STK3: variants seen among roughly 807,000 people sequenced by gnomAD.
STK3 encodes serine/threonine-protein kinase 3.
STK3 carries 41 observed loss-of-function variants against 58.0 expected under a neutral mutation model. The observed-to-expected ratio is 0.71, with a 90% CI of 0.55 to 0.92. The LOEUF is 0.92. Ranked by LOEUF, STK3 falls within the 40% of genes least tolerant of loss-of-function variation. The pLI, the probability that STK3 is intolerant of heterozygous loss-of-function variation, is 0.00. For missense variants in STK3, 479 were observed against 602.7 expected, an observed-to-expected ratio of 0.79 and a Z score of 2.15; for synonymous variants, 170 against 191.0, an observed-to-expected ratio of 0.89 and a Z score of 0.91.
At chr8:98,822,053 T>TACAC (rs773942816) in intron 1 of STK3, among the ~76,000 whole-genome samples, 1 of 150,212 alleles carries the variant, frequency 6.7e-6, no homozygotes, top group Non-Finnish European at 1.5e-5. Context: ...CACACATACA[T>TACAC]ACACACACAC....
At chr8:98,904,268 A>C (rs2131961872) in intron 1 of STK3, among the ~76,000 whole-genome samples, 1 of 152,260 alleles carries the variant, frequency 6.6e-6, no homozygotes, top group African/African-American at 2.4e-5. Flanking sequence ...AGGCAGGGAG[A>C]AGTATTCAAC....
the STK3 span, among the ~76,000 whole-genome samples, chr8:98,360,761 CAAAGT>C: frequency 6.6e-6 from 1 of 152,058 alleles, no homozygotes; most frequent in African/African-American, 2.4e-5. Context: ...AACTAAATGT[CAAAGT>C]AAAGTAGTCA....
At chr8:98,654,916 A>C (rs186742858) in intron 6 of STK3, among the ~76,000 whole-genome samples, 2,664 of 152,176 alleles carry the variant, frequency 0.018, 73 homozygotes, top group African/African-American at 0.061. Context: ...TGCCCAAGGT[A>C]GTTTATAGAT....
intron 1 of STK3, 146 bp from the exon 2 acceptor site, chr8:98,774,965 T>C: frequency 2.0e-6 from 1 of 511,746 alleles, no homozygotes; most frequent in Non-Finnish European, 3.3e-6. Flanking sequence ...ATAGTAAACA[T>C]TCTCCTTTCA....
intron 4 of STK3, among the ~76,000 whole-genome samples, chr8:98,723,448 G>A (rs1363297869): frequency 1.3e-5 from 2 of 152,012 alleles, no homozygotes; most frequent in Non-Finnish European, 2.9e-5. Context: ...CTGTGTATAT[G>A]GTTTTGATAA....
chr8:98,920,008 T>C (rs960313521), intron 1 of STK3, among the ~76,000 whole-genome samples: 3 of 152,206 alleles, frequency 2.0e-5, no homozygotes, highest in Non-Finnish European at 4.4e-5. Context: ...TCCATTTCAT[T>C]TTCTAACTGC....
At chr8:98,606,036 T>G (rs906840099) in intron 6 of STK3, 1 of 152,240 alleles carries the variant, frequency 6.6e-6, no homozygotes, top group Admixed American at 6.5e-5. Context: ...GAGACCAGCT[T>G]GGCCAACATG....
intron 1 of STK3, among the ~76,000 whole-genome samples, chr8:98,776,787 C>A (rs936689653): frequency 4.0e-5 from 6 of 151,392 alleles, no homozygotes; most frequent in Admixed American, 2.0e-4. Flanking sequence ...AGCGGTGGCT[C>A]ACGCCTGTAA....
At chr8:98,406,105 G>A (rs565360337) in intron 3 of STK3, among the ~76,000 whole-genome samples, 124 of 152,238 alleles carry the variant, frequency 8.1e-4, no homozygotes, top group Middle Eastern at 3.4e-3. Flanking sequence ...AAAGTAGACT[G>A]GGTGCTATGG....
chr8:98,355,119 C>G, the STK3 span, among the ~76,000 whole-genome samples: 1 of 152,182 alleles, frequency 6.6e-6, no homozygotes, highest in Non-Finnish European at 1.5e-5. Flanking sequence ...TCCAGACTCT[C>G]AATGCCCTAG....
intron 6 of STK3, among the ~76,000 whole-genome samples, chr8:98,633,022 T>C (rs1227453628): frequency 6.6e-6 from 1 of 152,078 alleles, no homozygotes; most frequent in Non-Finnish European, 1.5e-5. Flanking sequence ...AGACACAAAA[T>C]AAAAATTACA....
intron 1 of STK3, among the ~76,000 whole-genome samples, chr8:98,379,919 G>A (rs1374723480): frequency 6.6e-6 from 1 of 152,130 alleles, no homozygotes; most frequent in Admixed American, 6.5e-5. Flanking sequence ...ACAGAGGAAT[G>A]GATGAAGAAA....
At chr8:98,549,823 A>G (rs1482901661) in intron 8 of STK3, among the ~76,000 whole-genome samples, 1 of 152,174 alleles carries the variant, frequency 6.6e-6, no homozygotes, top group Admixed American at 6.5e-5. Context: ...AGCCTAGGCA[A>G]TGCAGCAAGA....
chr8:98,880,276 T>C (rs1446819383), downstream of STK3: 4 of 152,012 alleles, frequency 2.6e-5, no homozygotes, highest in African/African-American at 9.7e-5. Context: ...ATAAAATACA[T>C]ATAAAATAAA....
At chr8:98,872,267 GC>G (rs1564074689) in intron 3 of STK3, among the ~76,000 whole-genome samples, 1 of 152,120 alleles carries the variant, frequency 6.6e-6, no homozygotes, top group African/African-American at 2.4e-5. Context: ...GAGGATTTTT[GC>G]ATTGATGTTC....
chr8:98,513,689 G>C (rs560812016), intron 10 of STK3, among the ~76,000 whole-genome samples: 1 of 152,212 alleles, frequency 6.6e-6, no homozygotes, highest in Non-Finnish European at 1.5e-5. Flanking sequence ...GTGGGGCGGG[G>C]GAGAAGTGGA....
At chr8:98,697,527 G>A (rs974286762) in intron 6 of STK3, among the ~76,000 whole-genome samples, 12 of 152,140 alleles carry the variant, frequency 7.9e-5, no homozygotes, top group African/African-American at 2.4e-4. Flanking sequence ...ACACTGCTTT[G>A]AATGTGTCCC....
At chr8:98,911,108 G>C (rs962452957) in intron 1 of STK3, among the ~76,000 whole-genome samples, 3 of 152,216 alleles carry the variant, frequency 2.0e-5, no homozygotes, top group African/African-American at 7.2e-5. Flanking sequence ...TCTGGAGTCA[G>C]ATGTCACTGT....
chr8:98,872,917 T>A (rs1320505274), intron 3 of STK3, among the ~76,000 whole-genome samples: 1 of 152,218 alleles, frequency 6.6e-6, no homozygotes, highest in Admixed American at 6.5e-5. Context: ...TCTAGTTCTT[T>A]TATTTGTGAT....
Sources: allele counts gnomAD v4.1 joint callset (sites outside exome capture counted in the v4.1 genomes callset), GRCh38; gene constraint gnomAD v4.1.1; transcripts MANE v1.5; gene names NCBI Gene and HGNC (gene_info 2026-07-23, HGNC 2026-07-21).